Variants in CFAP206 observed in about 807,000 individuals in gnomAD.
CFAP206 encodes cilia and flagella associated protein 206.
Under a neutral mutation model 65.4 loss-of-function variants are expected in CFAP206, and 53 were observed. The observed-to-expected ratio is 0.81, with a 90% confidence interval of 0.65 to 1.02. CFAP206 has a LOEUF of 1.02. CFAP206 is among the 50% of genes least tolerant of loss of function. The pLI is 0.00. For missense variants in CFAP206, 663 were observed against 753.2 expected, an observed-to-expected ratio of 0.88 and a Z score of 1.40; for synonymous variants, 250 against 254.4, an observed-to-expected ratio of 0.98 and a Z score of 0.17.
chr6:87,452,399 C>T (rs1768562015), intron 11 of CFAP206, among the ~76,000 whole-genome samples: 1 of 152,136 alleles, frequency 6.6e-6, no homozygotes, highest in South Asian at 2.1e-4. Context: ...AGAATAAATA[C>T]CTAACTTGTC....
chr6:87,451,781 A>G lies in CFAP206; in HGVS notation c.1495-9241A>G, dbSNP rs1768547971. 3.3e-5 allele frequency among the ~76,000 whole-genome samples: 5 copies of G among 152,102 alleles called. No individual in the cohort carries two copies. The East Asian group carries it at 9.7e-4, about 29-fold the overall frequency. ...GGCATTTCTAGATCTGTCCTGGGCC[A>G]GTAAGAAATCCGCTTCCCTGGCGGA... On this transcript the variant is annotated intron_variant, in intron 11 of 12. Transcript: ENST00000369562.
chr6:87,409,021 C>CT (rs945940528), intron 1 of CFAP206, among the ~76,000 whole-genome samples: 67 of 126,572 alleles, frequency 5.3e-4, no homozygotes, highest in African/African-American at 1.6e-3. Flanking sequence ...ATAGTAAATG[C>CT]TTTTTTTTAT....
chr6:87,454,612 G>A (rs748976028), intron 11 of CFAP206, among the ~76,000 whole-genome samples: 2 of 151,830 alleles, frequency 1.3e-5, no homozygotes, highest in Non-Finnish European at 2.9e-5. Flanking sequence ...TTGGGAGGCC[G>A]AGGCAGGCAG....
chr6:87,415,696 C>G lies in CFAP206; in HGVS notation c.294C>G (p.Leu98=). ...DMNYTNRVEF[L]EEHHRVLESR... ...ATTTGGCAATTTTAGTGGAATTTCT[C>G]GAAGAACATCACCGGGTCCTAGAGT... The change falls in exon 5 of 13, where the codon CTC becomes CTG. Residue 98 remains leucine, a synonymous_variant. Transcript: ENST00000369562. The G allele has an allele frequency of 6.2e-7, 1 of 1,600,064 alleles. No individual in the cohort carries two copies. The highest frequency in any genetic ancestry group is 8.5e-7 in the Non-Finnish European group (1 of 1,173,726).
At chr6:87,433,951 T>G (rs553817038) in intron 10 of CFAP206, among the ~76,000 whole-genome samples, 2 of 151,832 alleles carry the variant, frequency 1.3e-5, no homozygotes, top group South Asian at 4.2e-4. Context: ...AATACAAAAA[T>G]TAGCTGGGTG....
At position 87,464,266 on chromosome 6, in the gene CFAP206, T is replaced by C; in HGVS notation, c.*16T>C. The C allele has an allele frequency of 6.3e-7, 1 of 1,587,690 alleles. No homozygotes were observed. Among genetic ancestry groups the C allele is most frequent in the Non-Finnish European group, 8.6e-7 (1 of 1,158,180 alleles). On this transcript the variant is annotated 3_prime_UTR_variant, in exon 13 of 13. Coordinates refer to ENST00000369562, the MANE Select transcript of CFAP206 (RefSeq NM_001031743.3). Reference sequence around the variant, plus strand: ...TGAAACCTAATTACAGACAACGTTTTAAAATAGATGCTACTCAATTATGAA... The same window carrying C: ...TGAAACCTAATTACAGACAACGTTTCAAAATAGATGCTACTCAATTATGAA...
chr6:87,433,065 T>G (rs901300910), intron 10 of CFAP206, among the ~76,000 whole-genome samples: 5 of 152,206 alleles, frequency 3.3e-5, no homozygotes, highest in Non-Finnish European at 7.3e-5. Flanking sequence ...GCTTTCTTGC[T>G]GTTGTTGAAC....
chr6:87,430,918 C>T (rs1044221492), intron 9 of CFAP206, 115 bp from the exon 10 acceptor site: 6 of 967,740 alleles, frequency 6.2e-6, no homozygotes, highest in South Asian at 1.9e-5. Flanking sequence ...TTTTGCCCAT[C>T]GGGAAAAGTA....
At chr6:87,449,035 T>G (rs1768495377) in intron 11 of CFAP206, among the ~76,000 whole-genome samples, 1 of 152,180 alleles carries the variant, frequency 6.6e-6, no homozygotes, top group African/African-American at 2.4e-5. Flanking sequence ...GTGGGATTAC[T>G]GGATCATATG....
chr6:87,447,832 A>G (rs889844579), intron 11 of CFAP206, among the ~76,000 whole-genome samples: 1 of 151,986 alleles, frequency 6.6e-6, no homozygotes, highest in African/African-American at 2.4e-5. Context: ...TTGGTAGGCT[A>G]TTTATAACTG....
intron 11 of CFAP206, among the ~76,000 whole-genome samples, chr6:87,448,368 G>T (rs1348458639): frequency 2.0e-5 from 3 of 152,028 alleles, no homozygotes; most frequent in Non-Finnish European, 4.4e-5. Flanking sequence ...AATTTTTAAA[G>T]ATTTTTATTG....
chr6:87,420,848 A>G (rs1481668964), intron 7 of CFAP206, among the ~76,000 whole-genome samples: 1 of 152,176 alleles, frequency 6.6e-6, no homozygotes, highest in Non-Finnish European at 1.5e-5. Context: ...GCTGTTTTGT[A>G]CTGACTTTAG....
chr6:87,430,015 G>T (rs1244488756), intron 9 of CFAP206, among the ~76,000 whole-genome samples: 1 of 152,164 alleles, frequency 6.6e-6, no homozygotes, highest in Non-Finnish European at 1.5e-5. Context: ...CTGTTTACCT[G>T]CAACTTCTTA....
chr6:87,442,066 G>C (rs1768367401), intron 11 of CFAP206: 1 of 202,530 alleles, frequency 4.9e-6, no homozygotes, highest in South Asian at 9.8e-5. Flanking sequence ...AAGACTTCCA[G>C]ATTTTTGGTT....
rs138459969 is a variant in CFAP206 at position 87,413,891 on chromosome 6, A to G, written c.274A>G (p.Thr92Ala). 2.8e-4 allele frequency: 429 copies of G among 1,531,544 alleles called. 3 individuals are homozygous for G. In the East Asian group the frequency reaches 9.7e-3, roughly 35 times the overall value. 94.9% of individuals were successfully genotyped at this position (1,531,544 alleles called of 1,614,324 possible). A position where few individuals can be genotyped will look rare whatever the true frequency, so the allele number is the denominator to read the frequency against. ...GCAAGTCTACTTCGATATGAATTAT[A>G]CGAATCGAGGTAATGTATACTACCT... ...KMQVYFDMNY[T>A]NRVEFLEEHH... Residue 92 changes from threonine (T) to alanine (A), a missense_variant, in exon 4 of 13, where the codon ACG becomes GCG. Physicochemically the swap from Thr to Ala is moderately conservative, Grantham distance 58 (BLOSUM62 0). Coordinates refer to ENST00000369562, the MANE Select transcript of CFAP206 (RefSeq NM_001031743.3).
intron 11 of CFAP206, among the ~76,000 whole-genome samples, chr6:87,450,474 A>AATGT (rs1190040092): frequency 9.5e-6 from 1 of 105,024 alleles, no homozygotes; most frequent in African/African-American, 3.7e-5. Context: ...AATAAATGAA[A>AATGT]ATGTGTGTGT....
intron 3 of CFAP206, among the ~76,000 whole-genome samples, chr6:87,412,935 C>T (rs765598316): frequency 5.9e-5 from 9 of 152,054 alleles, no homozygotes; most frequent in African/African-American, 7.2e-5. Flanking sequence ...GCTGGGATTA[C>T]GGGTGTGAGC....
In CFAP206 at chr6:87,453,278, G is replaced by T. The variant is rs150234916; in HGVS notation, c.1495-7744G>T. 6.3e-3 allele frequency among the ~76,000 whole-genome samples: 963 copies of T among 152,156 alleles called. 2 individuals carry two copies. Among genetic ancestry groups the T allele is most frequent in the African/African-American group, 0.022 (924 of 41,520 alleles). On this transcript the variant is annotated intron_variant, in intron 11 of 12. Transcript: ENST00000369562. ...TGAAGGAAAAATAAAGACTTTCCCA[G>T]ACAAACAAAAGCTGAGGGATTTCAT...
chr6:87,431,181 A>G lies in CFAP206; in HGVS notation c.1300+8A>G. On this transcript the variant is annotated splice_region_variant and intron_variant, in intron 10 of 12. Transcript: ENST00000369562. ...ATGGTCTTCTCCTTCCAGGTATATC[A>G]TTGGAAATGAGACTGCTCTCCTTTC... 8 of 1,609,848 alleles carry G rather than the reference A, an allele frequency of 5.0e-6. No homozygotes were observed. The South Asian group carries it at 8.8e-5, about 18-fold the overall frequency.
Sources: gnomAD v4.1 joint callset for allele counts (sites outside exome capture counted in the v4.1 genomes callset) on GRCh38, gnomAD v4.1.1 for gene constraint, MANE v1.5 for transcripts, NCBI Gene and HGNC (gene_info 2026-07-23, HGNC 2026-07-21) for gene names.